The following AGBL1 variants were observed in gnomAD, a reference collection of about 807,000 sequenced individuals.
AGBL1 encodes the protein cytosolic carboxypeptidase 4.
AGBL1 carries 130 observed loss-of-function variants against 118.9 expected under a neutral mutation model. The observed-to-expected ratio is 1.09, with a 90% CI of 0.95 to 1.26. The LOEUF is 1.26. Ranked by LOEUF, AGBL1 falls within the 50% of genes most tolerant of loss-of-function variation. The pLI is 0.00. For synonymous variants in AGBL1, 555 were observed against 478.9 expected, an observed-to-expected ratio of 1.16 and a Z score of -2.08; for missense variants, 1,584 against 1,298.1, an observed-to-expected ratio of 1.22 and a Z score of -3.38.
chr15:86,345,373 A>C (rs545296202), intron 17 of AGBL1, among the ~76,000 whole-genome samples: 10 of 152,352 alleles, frequency 6.6e-5, no homozygotes, highest in African/African-American at 2.4e-4. Context: ...AGCAACATTA[A>C]TTATGCACCT....
chr15:86,800,014 A>G (rs1001551739), intron 22 of AGBL1, among the ~76,000 whole-genome samples: 4 of 152,092 alleles, frequency 2.6e-5, no homozygotes, highest in Non-Finnish European at 5.9e-5. Flanking sequence ...CCCTTTTGAG[A>G]GCGTCAAGTG....
intron 22 of AGBL1, among the ~76,000 whole-genome samples, chr15:86,719,563 C>A (rs1248192206): frequency 6.6e-6 from 1 of 152,124 alleles, no homozygotes; most frequent in Admixed American, 6.5e-5. Flanking sequence ...GCTTTTCTCT[C>A]AGATCACTAG....
chr15:86,542,208 T>TGTATACTGA (rs889757615), intron 19 of AGBL1, among the ~76,000 whole-genome samples: 33 of 152,244 alleles, frequency 2.2e-4, no homozygotes, highest in African/African-American at 2.9e-4. Flanking sequence ...GAGATAGAAA[T>TGTATACTGA]GTATACTGAG....
In AGBL1 at chr15:86,858,442, C is replaced by T. The variant is rs147269690; in HGVS notation, c.3159-48645C>T. On this transcript the variant is annotated intron_variant, in intron 22 of 22. Transcript: ENST00000614907. ...AGACAGTTTCTGACTTCAAGCAGTT[C>T]TCAGTTCACACCTTTCAGGTGGTGT... Among the ~76,000 whole-genome samples, 636 of 150,040 alleles carry T rather than the reference C, an allele frequency of 4.2e-3. 8 individuals carry two copies. Among genetic ancestry groups the T allele is most frequent in the African/African-American group, 0.015 (603 of 40,518 alleles).
intron 22 of AGBL1, among the ~76,000 whole-genome samples, chr15:86,702,482 C>G (rs923874294): frequency 6.6e-6 from 1 of 152,022 alleles, no homozygotes; most frequent in Admixed American, 6.6e-5. Flanking sequence ...TTTATCATCA[C>G]TTGTTTCTCT....
At chr15:86,208,545 T>C (rs2141878053) in intron 5 of AGBL1, among the ~76,000 whole-genome samples, 1 of 152,342 alleles carries the variant, frequency 6.6e-6, no homozygotes, top group South Asian at 2.1e-4. Flanking sequence ...GATTTAGTCT[T>C]GGGAGGGTGC....
intron 22 of AGBL1, among the ~76,000 whole-genome samples, chr15:86,718,364 A>G (rs2086668527): frequency 6.6e-6 from 1 of 152,142 alleles, no homozygotes; most frequent in African/African-American, 2.4e-5. Flanking sequence ...CAGGGTGGGG[A>G]ACATCACACA....
chr15:86,509,025 T>A (rs7170934), intron 18 of AGBL1, among the ~76,000 whole-genome samples: 1 of 151,482 alleles, frequency 6.6e-6, no homozygotes, highest in African/African-American at 2.4e-5. Context: ...AAAGACAGGC[T>A]TGTTCGTCAT....
intron 23 of AGBL1, among the ~76,000 whole-genome samples, chr15:86,922,303 T>G (rs1167074557): frequency 3.3e-5 from 5 of 152,342 alleles, no homozygotes; most frequent in Non-Finnish European, 5.9e-5. Flanking sequence ...ATGTTGTTAT[T>G]TTTCTCAGAT....
chr15:87,016,164 G>A (rs1031854588), intron 24 of AGBL1, among the ~76,000 whole-genome samples: 10 of 152,092 alleles, frequency 6.6e-5, no homozygotes, highest in African/African-American at 9.7e-5. Context: ...TGTTTAAAAC[G>A]CAAACTCTCA....
intron 5 of AGBL1, among the ~76,000 whole-genome samples, chr15:86,224,567 CA>C (rs1198838114): frequency 1.3e-5 from 2 of 151,980 alleles, no homozygotes; most frequent in African/African-American, 2.4e-5. Context: ...TTTCCAGAAA[CA>C]AACAAATCAA....
intron 15 of AGBL1, 135 bp from the exon 16 acceptor site, chr15:86,279,504 A>C: frequency 2.5e-6 from 2 of 816,064 alleles, no homozygotes. Flanking sequence ...CACCCACAGA[A>C]ATGTTTCAAG....
chr15:86,695,480 C>G (rs1051228877), intron 22 of AGBL1, among the ~76,000 whole-genome samples: 4 of 151,906 alleles, frequency 2.6e-5, no homozygotes, highest in African/African-American at 9.7e-5. Flanking sequence ...TGGATTTTCT[C>G]TCTTCTTTTC....
At chr15:86,979,798 CG>C (rs2081211665) in intron 23 of AGBL1, among the ~76,000 whole-genome samples, 1 of 152,050 alleles carries the variant, frequency 6.6e-6, no homozygotes, top group Non-Finnish European at 1.5e-5. Flanking sequence ...CCACTGCGCC[CG>C]GCCAGAGGCA....
chr15:86,667,011 C>T lies in AGBL1; in HGVS notation c.2995-7262C>T, dbSNP rs533103942. On this transcript the variant is annotated intron_variant, in intron 21 of 22. Transcript: ENST00000614907. ...GACTTGTATCAGACATAGATGCATC[C>T]ATCTAGAAGTTCCTGATATTTTCTT... 8.5e-5 allele frequency among the ~76,000 whole-genome samples: 13 copies of T among 152,202 alleles called. No homozygotes were observed. The South Asian group carries it at 2.7e-3, about 32-fold the overall frequency.
At chr15:86,879,765 C>A (rs1159408239) in intron 22 of AGBL1, among the ~76,000 whole-genome samples, 1 of 152,108 alleles carries the variant, frequency 6.6e-6, no homozygotes, top group African/African-American at 2.4e-5. Flanking sequence ...TATTTAGCTC[C>A]GCTGCATGTT....
chr15:86,136,388 C>T (rs533252882), intron 1 of AGBL1, among the ~76,000 whole-genome samples: 1 of 152,226 alleles, frequency 6.6e-6, no homozygotes, highest in East Asian at 1.9e-4. Flanking sequence ...GAGGCCAGGC[C>T]ACCACAGTGC....
intron 18 of AGBL1, among the ~76,000 whole-genome samples, chr15:86,478,151 A>G (rs1298788228): frequency 6.6e-6 from 1 of 152,180 alleles, no homozygotes; most frequent in East Asian, 1.9e-4. Context: ...AACTGGAAGC[A>G]TTCCCTTTGA....
intron 18 of AGBL1, among the ~76,000 whole-genome samples, chr15:86,433,318 T>C (rs2142042192): frequency 7.2e-6 from 1 of 138,328 alleles, no homozygotes; most frequent in African/African-American, 2.8e-5. Flanking sequence ...AGTTAATGGA[T>C]GGGTAGAGGA....
Sources: gnomAD v4.1 joint callset for allele counts (sites outside exome capture counted in the v4.1 genomes callset) on GRCh38, gnomAD v4.1.1 for gene constraint, MANE v1.5 for transcripts, NCBI Gene and HGNC (gene_info 2026-07-23, HGNC 2026-07-21) for gene names.